MED13L: variants seen among roughly 807,000 people sequenced by gnomAD.
MED13L encodes the protein mediator of RNA polymerase II transcription subunit 13-like.
In MED13L, 7 loss-of-function variants were observed where a neutral mutation model predicts 220.9. The observed-to-expected ratio is 0.03, with a 90% CI of 0.02 to 0.06. MED13L has a LOEUF of 0.06. Among genes scored for constraint, MED13L ranks in the 10% least tolerant of loss-of-function variants. The pLI is 1.00. For synonymous variants in MED13L, 1,011 were observed against 1,015.2 expected (o/e 1.00, Z 0.08); for missense variants, 1,965 against 2,760.5 (o/e 0.71, Z 6.46).
intron 17 of MED13L, among the ~76,000 whole-genome samples, chr12:115,990,533 T>A (rs1200261015): frequency 6.6e-6 from 1 of 152,188 alleles, no homozygotes; most frequent in African/African-American, 2.4e-5. Flanking sequence ...ACCAGTTATA[T>A]GCCCCAGTAA....
intron 9 of MED13L, 37 bp downstream of exon 9, chr12:116,012,760 T>A: frequency 7.1e-7 from 1 of 1,401,824 alleles, no homozygotes; most frequent in Non-Finnish European, 1.0e-6. Context: ...TGCGCCATCA[T>A]TCGATCCATT....
At chr12:116,017,307 C>A (rs1879785174) in intron 7 of MED13L, among the ~76,000 whole-genome samples, 1 of 152,140 alleles carries the variant, frequency 6.6e-6, no homozygotes, top group African/African-American at 2.4e-5. Flanking sequence ...GAGGTCAAAG[C>A]CTCATTTACA....
At chr12:116,178,230 T>C (rs957793991) in intron 2 of MED13L, among the ~76,000 whole-genome samples, 4 of 152,198 alleles carry the variant, frequency 2.6e-5, no homozygotes, top group East Asian at 1.9e-4. Context: ...ATATGTATTA[T>C]GTATATGATG....
At chr12:116,008,288 A>G in intron 10 of MED13L, 113 bp downstream of exon 10, 1 of 1,406,282 alleles carries the variant, frequency 7.1e-7, no homozygotes, top group East Asian at 2.4e-5. Context: ...GGAGTCAAGA[A>G]GGACAAAGAA....
intron 28 of MED13L, 144 bp downstream of exon 28, chr12:115,968,796 C>T (rs2137215858): frequency 1.0e-6 from 1 of 957,328 alleles, no homozygotes; most frequent in Non-Finnish European, 1.6e-6. Flanking sequence ...GAACCATAGT[C>T]AGTTTCCCAC....
Position 115,991,720 on chromosome 12 carries a change from A to T in MED13L, c.3234T>A (p.Asp1078Glu), listed in dbSNP as rs199988379. 21 of 1,613,642 alleles carry T rather than the reference A, an allele frequency of 1.3e-5. No homozygotes were observed. The highest frequency in any genetic ancestry group is 1.8e-5 in the Non-Finnish European group (21 of 1,179,856). ...GQGSVKYDSTDQGSPASTPST... is the reference protein window; with the variant it reads ...GQGSVKYDSTEQGSPASTPST... ...AGGGGGTGGAGGCTGGTGATCCTTG[A>T]TCGGTGCTATCATACTTAACAGACC... is the stretch of plus-strand genomic sequence containing the variant. The change falls in exon 17 of 31, where the codon GAT becomes GAA. Residue 1078 changes from aspartate (D) to glutamate (E), a missense_variant. Asp to Glu is a conservative substitution (Grantham distance 45, BLOSUM62 2). This residue lies in a region of MED13L where 233 missense variants were observed against 306.2 expected (regional missense o/e 0.76). Transcript: ENST00000281928. The surrounding 1 kb of genome is among the most constrained non-coding windows in gnomAD (Gnocchi z 7.7).
intron 3 of MED13L, among the ~76,000 whole-genome samples, chr12:116,097,324 T>G (rs1221718272): frequency 1.3e-5 from 2 of 152,078 alleles, no homozygotes; most frequent in Non-Finnish European, 2.9e-5. Context: ...TTTTGTACTT[T>G]TAATAGAGAC....
At chr12:116,223,316 T>C (rs1340329589) in intron 2 of MED13L, among the ~76,000 whole-genome samples, 1 of 152,130 alleles carries the variant, frequency 6.6e-6, no homozygotes, top group African/African-American at 2.4e-5. Context: ...CTCAAACTAC[T>C]TGCTATCTAC....
chr12:116,213,216 G>C (rs941101351), intron 2 of MED13L, among the ~76,000 whole-genome samples: 2 of 152,018 alleles, frequency 1.3e-5, no homozygotes, highest in Admixed American at 6.6e-5. Context: ...GGAATGGGAA[G>C]GAGTGGGCAG....
rs1880761436 is a variant in MED13L at position 116,031,675 on chromosome 12, A to AAAAG, written c.480-9075_480-9074insCTTT. 7.3e-5 allele frequency among the ~76,000 whole-genome samples: 5 copies of AAAAG among 68,148 alleles called. 1 individual carries two copies. Among genetic ancestry groups the AAAAG allele is most frequent in the Middle Eastern group, 7.2e-3 (1 of 138 alleles). The allele number at this position is 68,148 out of a possible 152,430, so 44.7% of individuals were successfully genotyped here. On this transcript the variant is annotated intron_variant, in intron 4 of 30. Coordinates refer to ENST00000281928, the MANE Select transcript of MED13L (RefSeq NM_015335.5). Reference sequence around the variant, plus strand: ...GGACGGGACGGGACGGGAGAAAAGAAAAAAGAAAAGAAAAGAAAAGAAAAG... The same window carrying AAAAG: ...GGACGGGACGGGACGGGAGAAAAGAAAAAGAAAAGAAAAGAAAAGAAAAGAAAAG...
Position 116,151,432 on chromosome 12 carries a change from C to A in MED13L, c.311-39920G>T, listed in dbSNP as rs190249382. On this transcript the variant is annotated intron_variant, in intron 2 of 30. Transcript: ENST00000281928. ...AGGTATCACGAAGAAACTCCATTAG[C>A]AAGGTGTTAGGACAGAGATTTAACA... Among the ~76,000 whole-genome samples, 15 of 152,246 alleles carry A rather than the reference C, an allele frequency of 9.9e-5. No individual in the cohort carries two copies. The East Asian group carries it at 2.7e-3, about 27-fold the overall frequency.
intron 4 of MED13L, among the ~76,000 whole-genome samples, chr12:116,023,801 A>T (rs969289174): frequency 2.8e-4 from 43 of 152,352 alleles, no homozygotes; most frequent in Admixed American, 5.9e-4. Context: ...AATTTTGAAA[A>T]AAAGTTTTAA....
Position 116,111,371 on chromosome 12 carries a change from G to A in MED13L, c.395+57C>T, listed in dbSNP as rs370814561. 3 of 1,358,104 alleles carry A rather than the reference G, an allele frequency of 2.2e-6. No homozygotes were observed. The East Asian group carries it at 6.9e-5, about 31-fold the overall frequency. 84.1% of individuals were successfully genotyped at this position (1,358,104 alleles called of 1,614,324 possible). ...TTTTGAAAATTACAGGAAACTCTCG[G>A]TATCTAGCAATATACTTGGTTGTCT... On this transcript the variant is annotated intron_variant, in intron 3 of 30. Coordinates refer to ENST00000281928, the MANE Select transcript of MED13L (RefSeq NM_015335.5).
At chr12:115,984,103 A>G (rs1395482720) in intron 20 of MED13L, 77 bp downstream of exon 20, 8 of 1,422,800 alleles carry the variant, frequency 5.6e-6, no homozygotes, top group Admixed American at 5.5e-5. Context: ...ATAATGTTGC[A>G]TCTATAAAAG....
intron 4 of MED13L, among the ~76,000 whole-genome samples, chr12:116,090,394 T>A (rs572822438): frequency 1.3e-5 from 2 of 152,302 alleles, no homozygotes; most frequent in South Asian, 4.1e-4. Flanking sequence ...TCTTTTAAAA[T>A]TTTCCAACTC....
chr12:116,229,945 T>C (rs1304229682), intron 2 of MED13L, among the ~76,000 whole-genome samples: 1 of 152,144 alleles, frequency 6.6e-6, no homozygotes, highest in African/African-American at 2.4e-5. Flanking sequence ...GAAATTTACA[T>C]CAAAACTTGA....
chr12:116,140,654 G>A (rs981077165), intron 2 of MED13L, among the ~76,000 whole-genome samples: 1 of 152,144 alleles, frequency 6.6e-6, no homozygotes, highest in African/African-American at 2.4e-5. Flanking sequence ...AGAAAAGTAC[G>A]TAATTACAAA....
chr12:116,271,963 ATTAT>A (rs919624017), intron 1 of MED13L, among the ~76,000 whole-genome samples: 2 of 152,170 alleles, frequency 1.3e-5, no homozygotes, highest in Non-Finnish European at 2.9e-5. Flanking sequence ...GAACATTGTT[ATTAT>A]TGTTATTTTC....
intron 2 of MED13L, among the ~76,000 whole-genome samples, chr12:116,220,805 A>C (rs1883264755): frequency 6.6e-6 from 1 of 152,208 alleles, no homozygotes; most frequent in Admixed American, 6.5e-5. Flanking sequence ...TAACCAAATA[A>C]GTTACCAGGT....
Sources: gnomAD v4.1 joint callset for allele counts (sites outside exome capture counted in the v4.1 genomes callset) on GRCh38, gnomAD v4.1.1 for gene constraint, gnomAD v4.1.1 regional missense constraint, Gnocchi (gnomAD v3.1) non-coding constraint, MANE v1.5 for transcripts, NCBI Gene and HGNC (gene_info 2026-07-23, HGNC 2026-07-21) for gene names.